CORO2B: variants seen among roughly 807,000 people sequenced by gnomAD.
CORO2B encodes coronin-2B.
A neutral mutation model predicts 58.8 loss-of-function variants in CORO2B; 26 were observed. That is an observed-to-expected ratio of 0.44 (90% confidence interval 0.32 to 0.61). CORO2B has a LOEUF of 0.61. CORO2B is among the 20% of genes least tolerant of loss of function. CORO2B has a pLI of 0.04. For missense variants in CORO2B, 460 were observed against 645.1 expected, an observed-to-expected ratio of 0.71 and a Z score of 3.11; for synonymous variants, 242 against 253.8, an observed-to-expected ratio of 0.95 and a Z score of 0.44.
intron 1 of CORO2B, among the ~76,000 whole-genome samples, chr15:68,604,213 C>T (rs774545606): frequency 2.6e-5 from 4 of 152,176 alleles, no homozygotes; most frequent in African/African-American, 4.8e-5. Flanking sequence ...CTTCCCTTGA[C>T]GCATACTCCA....
At chr15:68,600,178 C>T (rs1392335703) in intron 1 of CORO2B, among the ~76,000 whole-genome samples, 1 of 152,188 alleles carries the variant, frequency 6.6e-6, no homozygotes, top group Non-Finnish European at 1.5e-5. Flanking sequence ...CATCTAAAAA[C>T]CACACACACA....
At chr15:68,682,097 T>C (rs1260682350) in intron 2 of CORO2B, among the ~76,000 whole-genome samples, 1 of 152,066 alleles carries the variant, frequency 6.6e-6, no homozygotes, top group Non-Finnish European at 1.5e-5. Flanking sequence ...GAACCCCTGC[T>C]TCAGCTTTCA....
intron 2 of CORO2B, among the ~76,000 whole-genome samples, chr15:68,686,875 C>T (rs1596014307): frequency 6.7e-6 from 1 of 149,374 alleles, no homozygotes; most frequent in Admixed American, 6.7e-5. Flanking sequence ...CCCCAGCCTG[C>T]GCAACAAGAG....
chr15:68,666,181 G>A (rs1468504068), intron 2 of CORO2B, among the ~76,000 whole-genome samples: 1 of 152,206 alleles, frequency 6.6e-6, no homozygotes, highest in African/African-American at 2.4e-5. Flanking sequence ...TTTGTTTGAG[G>A]TAGAGAAGAG....
the CORO2B span, among the ~76,000 whole-genome samples, chr15:68,523,180 C>A: frequency 6.6e-6 from 1 of 151,972 alleles, no homozygotes; most frequent in South Asian, 2.1e-4. Context: ...CTTTCTTTTT[C>A]TTTTCTTTCT....
intron 2 of CORO2B, among the ~76,000 whole-genome samples, chr15:68,646,348 C>T (rs1432456854): frequency 6.6e-6 from 1 of 152,190 alleles, no homozygotes; most frequent in African/African-American, 2.4e-5. Flanking sequence ...CAGCCTGACT[C>T]ATCCCCACTC....
the CORO2B span, among the ~76,000 whole-genome samples, chr15:68,550,056 C>T: frequency 6.6e-5 from 10 of 152,090 alleles, no homozygotes; most frequent in Non-Finnish European, 1.5e-4. Flanking sequence ...CTGCTTCCTG[C>T]GGGCTGCAAA....
At chr15:68,590,324 G>A (rs887934003) in intron 1 of CORO2B, among the ~76,000 whole-genome samples, 1 of 152,208 alleles carries the variant, frequency 6.6e-6, no homozygotes, top group Non-Finnish European at 1.5e-5. Flanking sequence ...AGAGCCCTGG[G>A]AACAATGGAA....
chr15:68,646,636 G>A (rs1901438554), intron 2 of CORO2B, among the ~76,000 whole-genome samples: 3 of 152,138 alleles, frequency 2.0e-5, no homozygotes, highest in Non-Finnish European at 4.4e-5. Flanking sequence ...GCCAGACTTG[G>A]GACCGTGTGC....
At chr15:68,660,632 A>G (rs1901982991) in intron 2 of CORO2B, among the ~76,000 whole-genome samples, 1 of 152,088 alleles carries the variant, frequency 6.6e-6, no homozygotes. Context: ...TGGCTTCCCA[A>G]AGTGTTGGGA....
the CORO2B span, among the ~76,000 whole-genome samples, chr15:68,535,261 G>A: frequency 3.3e-5 from 5 of 152,208 alleles, no homozygotes; most frequent in Admixed American, 2.0e-4. Context: ...CCTATGTTCT[G>A]CCTCAACGCT....
chr15:68,595,820 G>T (rs1595957851), intron 1 of CORO2B, among the ~76,000 whole-genome samples: 1 of 152,330 alleles, frequency 6.6e-6, no homozygotes, highest in South Asian at 2.1e-4. Context: ...TACGGATGAA[G>T]CCATTGGCTC....
the CORO2B span, among the ~76,000 whole-genome samples, chr15:68,522,301 TTC>T: frequency 4.0e-3 from 605 of 152,346 alleles, 5 homozygotes; most frequent in African/African-American, 0.014. Flanking sequence ...TTCTCCATTC[TTC>T]TCTCTTTCTC....
At chr15:68,667,931 A>G (rs558795437) in intron 2 of CORO2B, among the ~76,000 whole-genome samples, 1 of 152,270 alleles carries the variant, frequency 6.6e-6, no homozygotes, top group South Asian at 2.1e-4. Flanking sequence ...AAAGCCTTGG[A>G]TTTCTTATTT....
chr15:68,667,793 C>T (rs1414490129), intron 2 of CORO2B, among the ~76,000 whole-genome samples: 1 of 152,084 alleles, frequency 6.6e-6, no homozygotes, highest in African/African-American at 2.4e-5. Context: ...GAGGGAGTTG[C>T]TGGAAAGGAA....
intron 2 of CORO2B, among the ~76,000 whole-genome samples, chr15:68,673,518 CAATAA>C (rs1252508136): frequency 6.6e-6 from 1 of 151,850 alleles, no homozygotes; most frequent in Non-Finnish European, 1.5e-5. Context: ...GACACTGTCT[CAATAA>C]AATAAAATTT....
At chr15:68,612,340 A>G (rs117408117) in intron 1 of CORO2B, among the ~76,000 whole-genome samples, 3,186 of 152,314 alleles carry the variant, frequency 0.021, 54 homozygotes, top group Non-Finnish European at 0.032. Flanking sequence ...CGTAAGGACA[A>G]ATCAGTAGTG....
chr15:68,663,028 G>A lies in CORO2B; in HGVS notation c.216+17668G>A, dbSNP rs1034447518. Among the ~76,000 whole-genome samples, 10 of 150,776 alleles carry A rather than the reference G, an allele frequency of 6.6e-5. 1 individual carries two copies. The South Asian group carries it at 1.3e-3, about 19-fold the overall frequency. ...TTATCGTGAGCTTTTTCAAATTGTCGCTAAACTCAAAGAAATTTCCAATTT... is the reference window on the plus strand; with the variant it reads ...TTATCGTGAGCTTTTTCAAATTGTCACTAAACTCAAAGAAATTTCCAATTT... On this transcript the variant is annotated intron_variant, in intron 2 of 11. Coordinates refer to ENST00000261861, the MANE Select transcript of CORO2B (RefSeq NM_006091.5).
chr15:68,661,417 A>G (rs1902011121), intron 2 of CORO2B, among the ~76,000 whole-genome samples: 1 of 152,206 alleles, frequency 6.6e-6, no homozygotes, highest in African/African-American at 2.4e-5. Context: ...AAAGAACTTT[A>G]AAAGGCAGTT....
Sources: gnomAD v4.1 joint callset for allele counts (sites outside exome capture counted in the v4.1 genomes callset) on GRCh38, gnomAD v4.1.1 for gene constraint, MANE v1.5 for transcripts, NCBI Gene and HGNC (gene_info 2026-07-23, HGNC 2026-07-21) for gene names.